PCDHA4: variants seen among roughly 807,000 people sequenced by gnomAD.
PCDHA4 encodes the protein protocadherin alpha-4.
Under a neutral mutation model 61.4 loss-of-function variants are expected in PCDHA4, and 49 were observed. The ratio of observed to expected loss-of-function variants is 0.80; its 90% CI spans 0.63 to 1.01. PCDHA4 has a LOEUF of 1.01. Among genes scored for constraint, PCDHA4 ranks in the 50% least tolerant of loss-of-function variants. PCDHA4 has a pLI of 0.00. For missense variants in PCDHA4, 1,254 were observed against 1,235.8 expected (o/e 1.01, Z -0.22); for synonymous variants, 590 against 550.3 (o/e 1.07, Z -1.01).
intron 1 of PCDHA4, chr5:140,870,249 A>T (rs1554163944): frequency 6.2e-7 from 1 of 1,614,160 alleles, no homozygotes; most frequent in Non-Finnish European, 8.5e-7. Flanking sequence ...GTGTCAACGG[A>T]CAGGTGACCT....
At chr5:140,885,917 T>G (rs2060772831) in intron 1 of PCDHA4, among the ~76,000 whole-genome samples, 1 of 152,212 alleles carries the variant, frequency 6.6e-6, no homozygotes, top group Non-Finnish European at 1.5e-5. Flanking sequence ...TTATAGATAT[T>G]AACTGTTTAT....
intron 1 of PCDHA4, chr5:140,928,776 T>C (rs2085518837): frequency 6.2e-7 from 1 of 1,614,044 alleles, no homozygotes; most frequent in East Asian, 2.2e-5. Flanking sequence ...TTCCCACTGA[T>C]GCAGTTAAGC....
chr5:140,996,217 T>C (rs2097717491), intron 3 of PCDHA4, among the ~76,000 whole-genome samples: 1 of 152,192 alleles, frequency 6.6e-6, no homozygotes, highest in South Asian at 2.1e-4. Context: ...TCACTACTTG[T>C]CTAGAAATGG....
chr5:140,871,543 T>A (rs2053164172), intron 1 of PCDHA4: 2 of 1,503,536 alleles, frequency 1.3e-6, no homozygotes, highest in Non-Finnish European at 1.8e-6. Flanking sequence ...GTGAAATTAT[T>A]TAAAATCCAG....
chr5:140,984,386 A>G (rs2097099955), intron 3 of PCDHA4, among the ~76,000 whole-genome samples: 1 of 152,202 alleles, frequency 6.6e-6, no homozygotes, highest in South Asian at 2.1e-4. Flanking sequence ...TTCAGATTCA[A>G]AAAATGTTGA....
intron 1 of PCDHA4, among the ~76,000 whole-genome samples, chr5:140,946,772 TG>T (rs2094025159): frequency 6.6e-6 from 1 of 151,346 alleles, no homozygotes; most frequent in Non-Finnish European, 1.5e-5. Context: ...TCATGTGGAA[TG>T]TAAAAAAGCT....
At chr5:140,836,003 G>A (rs1456412206) in intron 1 of PCDHA4, 1 of 1,613,210 alleles carries the variant, frequency 6.2e-7, no homozygotes, top group African/African-American at 1.3e-5. Context: ...CGCGCGATGC[G>A]GGCGTGCCGC....
chr5:140,926,762 C>A (rs1186997274), intron 1 of PCDHA4: 5 of 1,326,554 alleles, frequency 3.8e-6, no homozygotes, highest in East Asian at 2.8e-5. Context: ...CGCTGAGTAT[C>A]CAGCCCGCAG....
chr5:140,877,146 GA>G (rs781877505), intron 1 of PCDHA4: 8 of 1,613,700 alleles, frequency 5.0e-6, no homozygotes, highest in Admixed American at 3.3e-5. Context: ...TGCTGGACGA[GA>G]ACGACAACGC....
intron 1 of PCDHA4, chr5:140,858,206 A>T (rs781984728): frequency 1.3e-6 from 2 of 1,593,038 alleles, no homozygotes; most frequent in Non-Finnish European, 1.7e-6. Flanking sequence ...CACTGCACTG[A>T]GGTGCTCGGC....
chr5:140,921,694 A>G (rs1251407999), intron 1 of PCDHA4, among the ~76,000 whole-genome samples: 1 of 152,200 alleles, frequency 6.6e-6, no homozygotes, highest in Non-Finnish European at 1.5e-5. Context: ...TGGCCACCTC[A>G]ATTTTAAACA....
chr5:140,836,844 T>A, intron 1 of PCDHA4: 1 of 827,256 alleles, frequency 1.2e-6, no homozygotes, highest in Non-Finnish European at 1.8e-6. Flanking sequence ...GCTTTATGTA[T>A]AATTATTATT....
At chr5:140,876,754 C>A in intron 1 of PCDHA4, 1 of 1,614,212 alleles carries the variant, frequency 6.2e-7, no homozygotes, top group Non-Finnish European at 8.5e-7. Context: ...GGTGACTGCG[C>A]GGGATGGGGG....
intron 3 of PCDHA4, among the ~76,000 whole-genome samples, chr5:140,997,002 G>T (rs534893055): frequency 1.3e-5 from 2 of 152,118 alleles, no homozygotes; most frequent in East Asian, 1.9e-4. Context: ...TAACAATTTT[G>T]TGTGTATCCT....
chr5:140,823,797 G>C, intron 1 of PCDHA4: 1 of 1,613,840 alleles, frequency 6.2e-7, no homozygotes, highest in Non-Finnish European at 8.5e-7. Flanking sequence ...GTGGCCAGGC[G>C]CCGAAGGCCT....
intron 1 of PCDHA4, chr5:140,861,381 G>T: frequency 2.3e-6 from 1 of 433,922 alleles, no homozygotes; most frequent in African/African-American, 2.0e-5. Context: ...TATTGCGCAG[G>T]ACCTGGGTCT....
chr5:140,961,638 A>G (rs1428621389), intron 1 of PCDHA4, among the ~76,000 whole-genome samples: 1 of 152,200 alleles, frequency 6.6e-6, no homozygotes, highest in Non-Finnish European at 1.5e-5. Flanking sequence ...AACAATCTTA[A>G]GTCTATGTGG....
intron 1 of PCDHA4, among the ~76,000 whole-genome samples, chr5:140,880,884 G>A (rs540368068): frequency 2.0e-5 from 3 of 152,304 alleles, no homozygotes; most frequent in South Asian, 4.1e-4. Flanking sequence ...ATAAAGAAAT[G>A]TAGGGCCAGA....
chr5:140,876,191 C>T (rs1313911800), intron 1 of PCDHA4: 3 of 1,613,760 alleles, frequency 1.9e-6, no homozygotes, highest in Non-Finnish European at 2.5e-6. Context: ...GACAATGGTC[C>T]GGCGTTTGAT....
Sources: allele counts gnomAD v4.1 joint callset (sites outside exome capture counted in the v4.1 genomes callset), GRCh38; gene constraint gnomAD v4.1.1; transcripts MANE v1.5; gene names NCBI Gene and HGNC (gene_info 2026-07-23, HGNC 2026-07-21).